Variants in CSMD1 observed in about 807,000 individuals in gnomAD.
The protein encoded by CSMD1 is CUB and Sushi multiple domains 1, also known as CUB and sushi domain-containing protein 1.
A neutral mutation model predicts 417.5 loss-of-function variants in CSMD1; 213 were observed. The observed-to-expected ratio is 0.51, with a 90% CI of 0.46 to 0.57. The LOEUF is 0.57. Among genes scored for constraint, CSMD1 ranks in the 20% least tolerant of loss-of-function variants. CSMD1 has a pLI of 0.00. For missense variants in CSMD1, 6,923 were observed against 4,529.7 expected (o/e 1.53, Z -15.17); for synonymous variants, 2,862 against 1,736.8 (o/e 1.65, Z -16.11).
At chr8:4,467,940 CT>C (rs1489864405) in intron 2 of CSMD1, among the ~76,000 whole-genome samples, 1 of 152,086 alleles carries the variant, frequency 6.6e-6, no homozygotes. Flanking sequence ...CATTCCTGAA[CT>C]AACAAAGTAA....
intron 1 of CSMD1, among the ~76,000 whole-genome samples, chr8:4,705,387 C>G (rs550884240): frequency 7.2e-5 from 11 of 152,162 alleles, no homozygotes; most frequent in Non-Finnish European, 1.5e-4. Flanking sequence ...CAGCGTCTAT[C>G]AAGAACATGC....
chr8:3,408,974 G>T (rs1452797234), intron 13 of CSMD1, among the ~76,000 whole-genome samples: 1 of 152,044 alleles, frequency 6.6e-6, no homozygotes, highest in African/African-American at 2.4e-5. Flanking sequence ...TGTTAAAATA[G>T]TATTCTTAAG....
chr8:3,738,082 C>G (rs908400367), intron 6 of CSMD1, among the ~76,000 whole-genome samples: 3 of 152,190 alleles, frequency 2.0e-5, no homozygotes, highest in Non-Finnish European at 2.9e-5. Flanking sequence ...TTACTATAGT[C>G]TCTTTCCATT....
intron 1 of CSMD1, among the ~76,000 whole-genome samples, chr8:4,767,523 T>G (rs1301682048): frequency 1.3e-5 from 2 of 152,120 alleles, no homozygotes; most frequent in Non-Finnish European, 2.9e-5. Context: ...TACCCCCACA[T>G]GGATTAGTAT....
chr8:3,314,878 A>G (rs12156277), intron 23 of CSMD1, among the ~76,000 whole-genome samples: 1 of 151,966 alleles, frequency 6.6e-6, no homozygotes, highest in Non-Finnish European at 1.5e-5. Context: ...TCCATTTTAT[A>G]CATTAGGCTG....
At chr8:4,256,123 T>G (rs2128835790) in intron 3 of CSMD1, among the ~76,000 whole-genome samples, 1 of 152,344 alleles carries the variant, frequency 6.6e-6, no homozygotes, top group East Asian at 1.9e-4. Flanking sequence ...TGCAAAATGC[T>G]TTCTGAGCAG....
At chr8:3,796,315 A>ATATC (rs367922563) in intron 5 of CSMD1, among the ~76,000 whole-genome samples, 1 of 51,990 alleles carries the variant, frequency 1.9e-5, no homozygotes, top group African/African-American at 8.1e-5. Flanking sequence ...ATAGATATAG[A>ATATC]TATCTATCAT....
intron 1 of CSMD1, chr8:4,787,870 C>G (rs997083085): frequency 1.2e-5 from 19 of 1,574,376 alleles, no homozygotes; most frequent in Non-Finnish European, 1.6e-5. Flanking sequence ...GAATTGTACA[C>G]TGGTTGATAT....
rs533941835 is a variant in CSMD1, at chr8:3,270,690, C to A, written c.4153+13454G>T. On this transcript the variant is annotated intron_variant, in intron 26 of 69. Coordinates refer to ENST00000635120, the MANE Select transcript of CSMD1 (RefSeq NM_033225.6). ...TACTTCTGATAATAAACATACAAAACCATTTACTTTAAACTATTTATCAAC... is the reference window on the plus strand; with the variant it reads ...TACTTCTGATAATAAACATACAAAAACATTTACTTTAAACTATTTATCAAC... Among the ~76,000 whole-genome samples, 36 of 152,190 alleles carry A rather than the reference C, an allele frequency of 2.4e-4. 1 individual carries two copies. The highest frequency in any genetic ancestry group is 2.0e-3 in the Admixed American group (30 of 15,294).
intron 8 of CSMD1, among the ~76,000 whole-genome samples, chr8:3,603,078 G>A (rs1801439198): frequency 6.6e-6 from 1 of 152,180 alleles, no homozygotes; most frequent in Non-Finnish European, 1.5e-5. Context: ...AATATGATCT[G>A]AAACATTCAG....
chr8:3,205,989 A>G (rs1797229529), intron 30 of CSMD1, among the ~76,000 whole-genome samples: 1 of 152,198 alleles, frequency 6.6e-6, no homozygotes, highest in Non-Finnish European at 1.5e-5. Context: ...AACTTAAGAG[A>G]TACAAAGATT....
intron 1 of CSMD1, among the ~76,000 whole-genome samples, chr8:4,705,675 A>G (rs1347268265): frequency 6.6e-6 from 1 of 152,178 alleles, no homozygotes; most frequent in Non-Finnish European, 1.5e-5. Flanking sequence ...CTCGTGTCAT[A>G]TGAATATCAC....
intron 5 of CSMD1, among the ~76,000 whole-genome samples, chr8:3,955,257 C>A (rs543261879): frequency 8.3e-4 from 127 of 152,256 alleles, no homozygotes; most frequent in African/African-American, 2.7e-3. Context: ...ACCGGCAATG[C>A]CAACCAACAT....
Position 3,165,708 on chromosome 8 carries a change from C to T in CSMD1, c.5726-3431G>A, listed in dbSNP as rs548430009. 7.9e-5 allele frequency among the ~76,000 whole-genome samples: 12 copies of T among 152,124 alleles called. No homozygotes were observed. The South Asian group carries it at 8.3e-4, about 11-fold the overall frequency. ...CAGCCTCCCCAAAGTGCTGGGAGAA[C>T]GGTGGTTTTTTGTTGGTAAAGGTGT... On this transcript the variant is annotated intron_variant, in intron 37 of 69. Transcript: ENST00000635120.
At chr8:4,911,349 A>G (rs1001990838) in intron 1 of CSMD1, among the ~76,000 whole-genome samples, 4 of 152,202 alleles carry the variant, frequency 2.6e-5, no homozygotes, top group African/African-American at 9.7e-5. Flanking sequence ...AAAGACAATT[A>G]TTTTTGAAAA....
intron 5 of CSMD1, among the ~76,000 whole-genome samples, chr8:3,901,228 A>C (rs1483889151): frequency 2.0e-5 from 3 of 152,156 alleles, no homozygotes; most frequent in Non-Finnish European, 4.4e-5. Context: ...TTTATTTCAA[A>C]TGCTTAGTAA....
At chr8:4,197,961 G>C (rs1008723438) in intron 3 of CSMD1, among the ~76,000 whole-genome samples, 3 of 152,096 alleles carry the variant, frequency 2.0e-5, no homozygotes, top group African/African-American at 7.2e-5. Context: ...CTATTCATTG[G>C]CTTGACTCTG....
chr8:3,457,534 G>A lies in CSMD1; in HGVS notation c.1561+11178C>T, dbSNP rs147624005. On this transcript the variant is annotated intron_variant, in intron 12 of 69. Transcript: ENST00000635120. ...TCAAAACCGCATGCCACGCCTGGCC[G>A]TTCCTGGCTTAGAGGCAAGAGGATA... Among the ~76,000 whole-genome samples the A allele has an allele frequency of 2.5e-3, 388 of 152,312 alleles. 2 individuals carry two copies. The highest frequency in any genetic ancestry group is 8.4e-3 in the African/African-American group (349 of 41,578).
chr8:3,874,159 G>C (rs932879825), intron 5 of CSMD1, among the ~76,000 whole-genome samples: 1 of 152,254 alleles, frequency 6.6e-6, no homozygotes, highest in South Asian at 2.1e-4. Context: ...AATCTGCTAT[G>C]TGCTATAAAG....
Sources: gnomAD v4.1 joint callset for allele counts (sites outside exome capture counted in the v4.1 genomes callset) on GRCh38, gnomAD v4.1.1 for gene constraint, MANE v1.5 for transcripts, NCBI Gene and HGNC (gene_info 2026-07-23, HGNC 2026-07-21) for gene names.